Variants in RARB observed in about 807,000 individuals in gnomAD.
RARB encodes HBV-activated protein.
In RARB, 17 loss-of-function variants were observed where a neutral mutation model predicts 51.9. The observed-to-expected ratio is 0.33, with a 90% CI of 0.22 to 0.49. The LOEUF is 0.49. Ranked by LOEUF, RARB falls within the 20% of genes least tolerant of loss-of-function variation. The probability of loss-of-function intolerance (pLI) is 0.99; values close to 1 mark genes in which losing one functional copy is unlikely to be tolerated. For missense variants in RARB, 369 were observed against 550.8 expected, an observed-to-expected ratio of 0.67 and a Z score of 3.30; for synonymous variants, 215 against 195.4, an observed-to-expected ratio of 1.10 and a Z score of -0.84.
chr3:24,966,406 CTG>C (rs1696274050), intron 2 of RARB, among the ~76,000 whole-genome samples: 1 of 152,144 alleles, frequency 6.6e-6, no homozygotes, highest in Non-Finnish European at 1.5e-5. Flanking sequence ...CTATTCCTAT[CTG>C]TGTCTTACTA....
intron 3 of RARB, among the ~76,000 whole-genome samples, chr3:25,131,035 A>ATATTTATTAT (rs1699944517): frequency 6.6e-6 from 1 of 150,724 alleles, no homozygotes; most frequent in African/African-American, 2.4e-5. Flanking sequence ...TATTTTATCA[A>ATATTTATTAT]TGATCTTATC....
intron 5 of RARB, among the ~76,000 whole-genome samples, chr3:25,582,424 C>T (rs929480953): frequency 1.1e-4 from 16 of 152,022 alleles, no homozygotes; most frequent in Non-Finnish European, 1.3e-4. Context: ...CGCAGCCACC[C>T]AGCAGGGCCT....
chr3:25,492,982 CT>C (rs78647402), intron 2 of RARB, among the ~76,000 whole-genome samples: 2,781 of 139,952 alleles, frequency 0.02, 40 homozygotes, highest in African/African-American at 0.045. Flanking sequence ...GATTTATTAC[CT>C]TTTTTTTTTT....
At chr3:25,091,950 G>C (rs1699206785) in intron 3 of RARB, among the ~76,000 whole-genome samples, 1 of 152,170 alleles carries the variant, frequency 6.6e-6, no homozygotes, top group Non-Finnish European at 1.5e-5. Flanking sequence ...GAATCTGAGG[G>C]ATGGTGTCGG....
chr3:25,415,651 CT>C (rs1707683969), intron 5 of RARB, among the ~76,000 whole-genome samples: 1 of 152,132 alleles, frequency 6.6e-6, no homozygotes, highest in African/African-American at 2.4e-5. Flanking sequence ...TTAATGATGT[CT>C]TCTAATAATT....
At chr3:25,377,428 A>G (rs145475913) in intron 5 of RARB, among the ~76,000 whole-genome samples, 23 of 152,228 alleles carry the variant, frequency 1.5e-4, no homozygotes, top group African/African-American at 5.5e-4. Context: ...GCATTCTTAC[A>G]TGCTGGGCAT....
chr3:25,336,269 G>T (rs1905465), intron 5 of RARB, among the ~76,000 whole-genome samples: 30,029 of 152,014 alleles, frequency 0.2, 3,205 homozygotes, highest in African/African-American at 0.27. Context: ...TTTTCTTTTA[G>T]AGATATAGTC....
intron 5 of RARB, among the ~76,000 whole-genome samples, chr3:25,281,821 G>A (rs1449920447): frequency 6.6e-6 from 1 of 152,140 alleles, no homozygotes; most frequent in African/African-American, 2.4e-5. Flanking sequence ...TTTATCCCCC[G>A]ACATATCCAG....
intron 3 of RARB, among the ~76,000 whole-genome samples, chr3:25,116,806 T>C (rs1699694706): frequency 6.6e-6 from 1 of 152,084 alleles, no homozygotes; most frequent in Non-Finnish European, 1.5e-5. Flanking sequence ...CTCTGAAGAC[T>C]AGCTTTGTCT....
intron 2 of RARB, among the ~76,000 whole-genome samples, chr3:24,945,863 G>A (rs763024174): frequency 3.3e-5 from 5 of 152,198 alleles, no homozygotes; most frequent in Non-Finnish European, 5.9e-5. Flanking sequence ...ATGCATCATA[G>A]TTAATATTTT....
intron 2 of RARB, among the ~76,000 whole-genome samples, chr3:25,054,214 C>T (rs1399419193): frequency 6.6e-6 from 1 of 152,148 alleles, no homozygotes; most frequent in African/African-American, 2.4e-5. Flanking sequence ...AATGTGCATA[C>T]ACTAATTATC....
chr3:24,937,073 C>CT (rs1362112280), intron 2 of RARB, among the ~76,000 whole-genome samples: 38 of 152,262 alleles, frequency 2.5e-4, no homozygotes, highest in Admixed American at 2.2e-3. Flanking sequence ...TAACATTCAT[C>CT]TTTTTGTGTA....
chr3:25,131,485 T>C (rs1699953538), intron 3 of RARB, among the ~76,000 whole-genome samples: 1 of 152,082 alleles, frequency 6.6e-6, no homozygotes, highest in Non-Finnish European at 1.5e-5. Context: ...CTGTACATTT[T>C]TATCATGGCA....
At chr3:25,441,937 C>A (rs2125529794) in intron 1 of RARB, among the ~76,000 whole-genome samples, 1 of 152,092 alleles carries the variant, frequency 6.6e-6, no homozygotes, top group African/African-American at 2.4e-5. Context: ...AATAAACAAC[C>A]CTTTAATATA....
chr3:25,546,593 T>A (rs889257510), intron 3 of RARB, among the ~76,000 whole-genome samples: 22 of 152,132 alleles, frequency 1.4e-4, no homozygotes, highest in African/African-American at 5.3e-4. Context: ...GAGAAACTTA[T>A]TAGTGCCAGA....
chr3:25,038,731 A>G (rs915873440), intron 2 of RARB, among the ~76,000 whole-genome samples: 1 of 152,156 alleles, frequency 6.6e-6, no homozygotes, highest in Non-Finnish European at 1.5e-5. Flanking sequence ...ACATAATGAG[A>G]CAGTTCTTAT....
At chr3:25,076,142 A>ATT (rs1410701899) in intron 3 of RARB, among the ~76,000 whole-genome samples, 1 of 89,698 alleles carries the variant, frequency 1.1e-5, no homozygotes, top group Non-Finnish European at 2.5e-5. Context: ...AGAAGCAGTT[A>ATT]TTTATTTTTT....
intron 2 of RARB, among the ~76,000 whole-genome samples, chr3:25,002,871 T>C (rs929114864): frequency 8.0e-4 from 122 of 152,206 alleles, no homozygotes; most frequent in African/African-American, 2.7e-3. Flanking sequence ...GGGAGATCAA[T>C]TGAGTTTATA....
rs1413825514 is a variant in RARB at position 25,146,499 on chromosome 3, G to GTTTTTTTTTTTTTTT, written c.-280+14294_-280+14295insTTTTTTTTTTTTTTT. On this transcript the variant is annotated intron_variant, in intron 4 of 11. Transcript: ENST00000383772. The stretch of plus-strand genomic sequence containing the variant: ...CAGGCTATAATTTGCTAAGTTTTTT[G>GTTTTTTTTTTTTTTT]TTTGTTTGTTTGTTTTTTTTTTTTT... Among the ~76,000 whole-genome samples the GTTTTTTTTTTTTTTT allele has an allele frequency of 7.0e-4, 73 of 104,378 alleles. 7 individuals carry two copies. The highest frequency in any genetic ancestry group is 1.3e-3 in the Non-Finnish European group (65 of 50,214). The allele number at this position is 104,378 out of a possible 152,430, so 68.5% of individuals were successfully genotyped here.
Sources: allele counts gnomAD v4.1 joint callset (sites outside exome capture counted in the v4.1 genomes callset), GRCh38; gene constraint gnomAD v4.1.1; transcripts MANE v1.5; gene names NCBI Gene and HGNC (gene_info 2026-07-23, HGNC 2026-07-21).